EIF4E3: variants seen among roughly 807,000 people sequenced by gnomAD.
EIF4E3 encodes the protein eukaryotic translation initiation factor 4E type 3.
EIF4E3 carries 26 observed loss-of-function variants against 31.7 expected under a neutral mutation model. The observed-to-expected ratio is 0.82, with a 90% CI of 0.60 to 1.14. EIF4E3 has a LOEUF of 1.14. Among genes scored for constraint, EIF4E3 ranks in the 50% most tolerant of loss-of-function variants. The pLI is 0.00. For missense variants in EIF4E3, 304 were observed against 270.9 expected, an observed-to-expected ratio of 1.12 and a Z score of -0.86; for synonymous variants, 128 against 107.7, an observed-to-expected ratio of 1.19 and a Z score of -1.17.
At chr3:71,713,040 G>A (rs751402713) in intron 1 of EIF4E3, among the ~76,000 whole-genome samples, 2 of 152,056 alleles carry the variant, frequency 1.3e-5, no homozygotes, top group Non-Finnish European at 2.9e-5. Context: ...GGCCCTAAAA[G>A]GACTCTAGAA....
At chr3:71,710,610 T>C in intron 1 of EIF4E3, 126 bp from the exon 2 acceptor site, 1 of 836,616 alleles carries the variant, frequency 1.2e-6, no homozygotes, top group Non-Finnish European at 1.9e-6. Context: ...CTGGACATTT[T>C]GGGGATGCTA....
At chr3:71,674,237 G>A (rs753401529), downstream of EIF4E3, among the ~76,000 whole-genome samples, 1 of 150,998 alleles carries the variant, frequency 6.6e-6, no homozygotes. Flanking sequence ...CTCCTGAGTA[G>A]CTGGAATTAC....
intron 1 of EIF4E3, among the ~76,000 whole-genome samples, chr3:71,741,619 G>T (rs2049822113): frequency 1.3e-5 from 2 of 152,174 alleles, no homozygotes; most frequent in African/African-American, 4.8e-5. Flanking sequence ...CAAGTAGACA[G>T]AAATTTAGTA....
At chr3:71,659,407 G>A in the EIF4E3 span, among the ~76,000 whole-genome samples, 2 of 152,198 alleles carry the variant, frequency 1.3e-5, no homozygotes, top group African/African-American at 2.4e-5. Flanking sequence ...CTTATTACAT[G>A]GAAACTGCTT....
chr3:71,673,187 T>C (rs1255049994), downstream of EIF4E3, among the ~76,000 whole-genome samples: 1 of 152,206 alleles, frequency 6.6e-6, no homozygotes, highest in African/African-American at 2.4e-5. Flanking sequence ...AGACTTAGTG[T>C]CATATTTCTT....
chr3:71,731,689 T>G (rs1436925776), intron 1 of EIF4E3, among the ~76,000 whole-genome samples: 1 of 152,220 alleles, frequency 6.6e-6, no homozygotes, highest in Non-Finnish European at 1.5e-5. Flanking sequence ...TTTCTTGTCT[T>G]TCTCCTCTGC....
At chr3:71,696,940 G>A (rs1171862215) in intron 3 of EIF4E3, among the ~76,000 whole-genome samples, 1 of 151,542 alleles carries the variant, frequency 6.6e-6, no homozygotes, top group African/African-American at 2.4e-5. Flanking sequence ...GGATGGTCTC[G>A]ATCTCCCCAC....
the EIF4E3 span, among the ~76,000 whole-genome samples, chr3:71,670,390 C>T: frequency 6.6e-6 from 1 of 152,114 alleles, no homozygotes; most frequent in African/African-American, 2.4e-5. Flanking sequence ...AGTAACCTTC[C>T]TTCCTAAATC....
chr3:71,702,790 T>G (rs956812445), intron 2 of EIF4E3, among the ~76,000 whole-genome samples: 1 of 149,792 alleles, frequency 6.7e-6, no homozygotes, highest in Non-Finnish European at 1.5e-5. Flanking sequence ...CCTCATCCAA[T>G]AGGTAGAATA....
chr3:71,748,100 A>AT (rs1352289558), intron 1 of EIF4E3, among the ~76,000 whole-genome samples: 1 of 151,766 alleles, frequency 6.6e-6, no homozygotes, highest in Non-Finnish European at 1.5e-5. Flanking sequence ...CCCGGCTTTT[A>AT]TTTTTTCCAA....
intron 1 of EIF4E3, among the ~76,000 whole-genome samples, chr3:71,710,809 T>C (rs1217098872): frequency 6.6e-6 from 1 of 152,212 alleles, no homozygotes; most frequent in Admixed American, 6.5e-5. Flanking sequence ...ACCAAGCATT[T>C]TCTCCAGGAC....
At chr3:71,719,917 G>A (rs1217442352) in intron 1 of EIF4E3, among the ~76,000 whole-genome samples, 3 of 152,010 alleles carry the variant, frequency 2.0e-5, no homozygotes, top group African/African-American at 7.3e-5. Flanking sequence ...GGGAGGCTGA[G>A]GTGGAGGGAT....
At chr3:71,665,586 TTCTGGACCAAGTGGTCC>T in the EIF4E3 span, among the ~76,000 whole-genome samples, 1 of 152,192 alleles carries the variant, frequency 6.6e-6, no homozygotes, top group African/African-American at 2.4e-5. Flanking sequence ...TGGAGCTGCC[TTCTGGACCAAGTGGTCC>T]TAGTAGACAT....
At chr3:71,724,227 C>A (rs1037984428) in intron 1 of EIF4E3, among the ~76,000 whole-genome samples, 4 of 152,210 alleles carry the variant, frequency 2.6e-5, no homozygotes, top group Non-Finnish European at 4.4e-5. Context: ...GCTTTGCATT[C>A]ATCCATCTAT....
chr3:71,754,691 G>A, upstream of EIF4E3: 1 of 1,495,882 alleles, frequency 6.7e-7, no homozygotes, highest in Non-Finnish European at 8.9e-7. The surrounding 1 kb of genome is among the most constrained non-coding windows in gnomAD (Gnocchi z 5.8). Context: ...GCCGCAAGAT[G>A]CGGCCCGCGC....
upstream of EIF4E3, chr3:71,725,415 G>T (rs895614307): frequency 6.2e-6 from 6 of 973,730 alleles, no homozygotes; most frequent in South Asian, 2.3e-4. The surrounding 1 kb of genome is among the most constrained non-coding windows in gnomAD (Gnocchi z 6.1). Context: ...ACCGCGGGGC[G>T]AGCGCGGCTG....
At chr3:71,753,722 C>G (rs2049964044), upstream of EIF4E3, 2 of 150,550 alleles carry the variant, frequency 1.3e-5, no homozygotes, top group Non-Finnish European at 2.9e-5. Context: ...CCAAGAGGCG[C>G]GGCGGCAGCA....
intron 1 of EIF4E3, among the ~76,000 whole-genome samples, chr3:71,721,388 G>A (rs2049546236): frequency 6.6e-6 from 1 of 152,146 alleles, no homozygotes; most frequent in Admixed American, 6.5e-5. Context: ...AATAAAACAG[G>A]GTCAGGGGCT....
Position 71,684,559 on chromosome 3 carries a change from G to T in EIF4E3, c.*123C>A. ...TGAGTCCTAATTGCCCATCTGCAAG[G>T]ACAGAAACCCACTCTAAATTGACCA... On this transcript the variant is annotated 3_prime_UTR_variant, in exon 7 of 7. Coordinates refer to ENST00000425534, the MANE Select transcript of EIF4E3 (RefSeq NM_001134651.2). 8.5e-7 allele frequency: 1 copy of T among 1,181,322 alleles called. No individual in the cohort carries two copies. The highest frequency in any genetic ancestry group is 1.2e-6 in the Non-Finnish European group (1 of 824,512). 73.2% of individuals were successfully genotyped at this position (1,181,322 alleles called of 1,614,324 possible).
Sources: allele counts gnomAD v4.1 joint callset (sites outside exome capture counted in the v4.1 genomes callset), GRCh38; gene constraint gnomAD v4.1.1; non-coding constraint Gnocchi (gnomAD v3.1); transcripts MANE v1.5; gene names NCBI Gene and HGNC (gene_info 2026-07-23, HGNC 2026-07-21).